The following EPB41L4B variants were observed in gnomAD, a reference collection of about 807,000 sequenced individuals.
EPB41L4B encodes band 4.1-like protein 4B.
Under a neutral mutation model 112.5 loss-of-function variants are expected in EPB41L4B, and 30 were observed. That is an observed-to-expected ratio of 0.27 (90% CI 0.20 to 0.36). The LOEUF (loss-of-function observed/expected upper bound fraction) is 0.36, where lower values mean the gene tolerates loss of function less well. Among genes scored for constraint, EPB41L4B ranks in the 10% least tolerant of loss-of-function variants. EPB41L4B has a pLI of 1.00. For synonymous variants in EPB41L4B, 408 were observed against 439.7 expected, an observed-to-expected ratio of 0.93 and a Z score of 0.90; for missense variants, 1,024 against 1,133.3, an observed-to-expected ratio of 0.90 and a Z score of 1.38.
chr9:109,232,373 GC>G (rs2118913279), intron 15 of EPB41L4B, among the ~76,000 whole-genome samples: 1 of 152,000 alleles, frequency 6.6e-6, no homozygotes, highest in South Asian at 2.1e-4. Context: ...TTTTCAGGTG[GC>G]AACAGCATTA....
rs1329349190 is a variant in EPB41L4B at position 109,172,508 on chromosome 9, A to G, written c.*2046T>C. The stretch of plus-strand genomic sequence containing the variant: ...TAGCTCCACTGACAGAGCAGAGAGC[A>G]GTAAAAAACCATCAGTGAGAACAGC... On this transcript the variant is annotated 3_prime_UTR_variant, in exon 26 of 26. Transcript: ENST00000374566. 6.6e-6 allele frequency: 1 copy of G among 152,240 alleles called. No individual in the cohort carries two copies. Among genetic ancestry groups the G allele is most frequent in the Non-Finnish European group, 1.5e-5 (1 of 68,046 alleles). 9.4% of individuals were successfully genotyped at this position (152,240 alleles called of 1,614,324 possible). A position where few individuals can be genotyped will look rare whatever the true frequency, so the allele number is the denominator to read the frequency against.
chr9:109,185,723 A>G, intron 22 of EPB41L4B, 118 bp from the exon 23 acceptor site: 1 of 691,854 alleles, frequency 1.4e-6, no homozygotes. Context: ...AGATCTGGCA[A>G]CTCCAGACTG....
chr9:109,283,402 T>A (rs1318624307), intron 1 of EPB41L4B, among the ~76,000 whole-genome samples: 1 of 152,212 alleles, frequency 6.6e-6, no homozygotes, highest in Non-Finnish European at 1.5e-5. Flanking sequence ...TCAGGCTCTT[T>A]CCTTCCTCGA....
rs1024999069 is a variant in EPB41L4B, at chr9:109,179,395, T to G, written c.2488-2699A>C. On this transcript the variant is annotated intron_variant, in intron 24 of 25. Transcript: ENST00000374566. Reference sequence around the variant, plus strand: ...CCTGCAGAAAGTTCAAGTGTCATGATCTTGGCAGGAAGGAGATGAGAACAC... The same window carrying G: ...CCTGCAGAAAGTTCAAGTGTCATGAGCTTGGCAGGAAGGAGATGAGAACAC... Among the ~76,000 whole-genome samples, 7 of 152,206 alleles carry G rather than the reference T, an allele frequency of 4.6e-5. No homozygotes were observed. In the East Asian group the frequency reaches 1.3e-3, roughly 29 times the overall value.
chr9:109,203,124 A>T (rs1832889590), intron 19 of EPB41L4B, among the ~76,000 whole-genome samples: 1 of 152,246 alleles, frequency 6.6e-6, no homozygotes, highest in South Asian at 2.1e-4. Flanking sequence ...ACTGCACTCC[A>T]GCCTGGGCAA....
chr9:109,176,600 T>G lies in EPB41L4B; in HGVS notation c.2584A>C (p.Thr862Pro). The change falls in exon 25 of 26, where the codon ACA becomes CCA. Residue 862 changes from threonine (T) to proline (P), a missense_variant. Transcript: ENST00000374566. ...TLRPLTETVS[T>P]VQTIYTTRKP... ...CGGGTGGTGTAAATGGTCTGCACTG[T>G]GGAGACGGTCTCTGTCAAAGGCCTC... 6.2e-7 allele frequency: 1 copy of G among 1,614,070 alleles called. No homozygotes were observed. The highest frequency in any genetic ancestry group is 8.5e-7 in the Non-Finnish European group (1 of 1,179,992).
At chr9:109,192,740 C>T (rs1832504181) in intron 21 of EPB41L4B, among the ~76,000 whole-genome samples, 1 of 152,168 alleles carries the variant, frequency 6.6e-6, no homozygotes, top group South Asian at 2.1e-4. Context: ...CTAAACTGAT[C>T]TGCACACTAA....
chr9:109,240,229 GA>G (rs1834305487), intron 15 of EPB41L4B: 3 of 985,364 alleles, frequency 3.0e-6, no homozygotes, highest in Non-Finnish European at 1.2e-6. Flanking sequence ...AAAAGATTCA[GA>G]ACACATTTAT....
intron 15 of EPB41L4B, among the ~76,000 whole-genome samples, chr9:109,223,080 C>T (rs976890556): frequency 6.6e-6 from 1 of 152,156 alleles, no homozygotes; most frequent in Non-Finnish European, 1.5e-5. Flanking sequence ...GTACCCCCAA[C>T]CAGAGCATCT....
chr9:109,208,124 C>A, intron 17 of EPB41L4B, 75 bp from the exon 18 acceptor site: 1 of 1,562,770 alleles, frequency 6.4e-7, no homozygotes, highest in Non-Finnish European at 8.8e-7. Flanking sequence ...TCCCAATAAT[C>A]ATAACTGCAT....
At position 109,194,257 on chromosome 9, in the gene EPB41L4B, T is replaced by C; in HGVS notation, c.2186A>G (p.Lys729Arg). The C allele has an allele frequency of 6.2e-7, 1 of 1,614,238 alleles. No individual in the cohort carries two copies. Among genetic ancestry groups the C allele is most frequent in the Non-Finnish European group, 8.5e-7 (1 of 1,180,042 alleles). Residue 729 changes from lysine (K) to arginine (R), a missense_variant, in exon 21 of 26, where the codon AAG becomes AGG. Coordinates refer to ENST00000374566, the MANE Select transcript of EPB41L4B (RefSeq NM_019114.5). ...PKVQNVSSPH[K>R]SEGKGLLSPG... Reference sequence around the variant, plus strand: ...GGACAGCAGGCCTTTGCCTTCTGACTTGTGAGGCGAGCTGACATTCTGGAC... The same window carrying C: ...GGACAGCAGGCCTTTGCCTTCTGACCTGTGAGGCGAGCTGACATTCTGGAC...
Position 109,256,118 on chromosome 9 carries a change from T to C in EPB41L4B, c.929+18A>G. On this transcript the variant is annotated intron_variant, in intron 9 of 25. Transcript: ENST00000374566. ...AAATAGGAAAAGACATTTTTAATAT[T>C]AGACAAAACTAAATTACCAAAAGAA... 6.3e-7 allele frequency: 1 copy of C among 1,596,446 alleles called. No individual in the cohort carries two copies. Among genetic ancestry groups the C allele is most frequent in the Non-Finnish European group, 8.6e-7 (1 of 1,165,244 alleles).
At chr9:109,248,757 A>T (rs897315349) in intron 13 of EPB41L4B, among the ~76,000 whole-genome samples, 1 of 152,006 alleles carries the variant, frequency 6.6e-6, no homozygotes, top group Non-Finnish European at 1.5e-5. Context: ...TGAGATCTTA[A>T]ATGCTAAATA....
At chr9:109,255,902 A>G (rs574900999) in intron 9 of EPB41L4B, 59 bp from the exon 10 acceptor site, 2 of 1,456,210 alleles carry the variant, frequency 1.4e-6, no homozygotes, top group East Asian at 4.6e-5. Flanking sequence ...CTACACATCA[A>G]ATAGCAGTTT....
Position 109,194,411 on chromosome 9 carries a change from A to C in EPB41L4B, c.2046-14T>G. The C allele has an allele frequency of 6.2e-7, 1 of 1,612,532 alleles. No individual in the cohort carries two copies. The highest frequency in any genetic ancestry group is 8.5e-7 in the Non-Finnish European group (1 of 1,178,990). ...TCGTCTTCATCACTGCGGTTACTAA[A>C]AGCACATGAAGCTCTGCTCATTACA... is the stretch of plus-strand genomic sequence containing the variant. On this transcript the variant is annotated splice_polypyrimidine_tract_variant and intron_variant, in intron 20 of 25. Coordinates refer to ENST00000374566, the MANE Select transcript of EPB41L4B (RefSeq NM_019114.5).
intron 15 of EPB41L4B, among the ~76,000 whole-genome samples, chr9:109,219,439 C>T (rs1473019312): frequency 6.6e-6 from 1 of 152,184 alleles, no homozygotes. Context: ...CAGCTCACTG[C>T]AAACTCCGCC....
chr9:109,278,384 C>T (rs937505916), intron 2 of EPB41L4B, among the ~76,000 whole-genome samples: 1 of 152,134 alleles, frequency 6.6e-6, no homozygotes. Context: ...ACCCCAGAGG[C>T]ACTGTAGCCA....
At chr9:109,297,591 A>G (rs1836783421) in intron 1 of EPB41L4B, among the ~76,000 whole-genome samples, 1 of 152,246 alleles carries the variant, frequency 6.6e-6, no homozygotes, top group African/African-American at 2.4e-5. Context: ...CGGCAAAGCC[A>G]GGGCCTCTGC....
chr9:109,276,116 T>C (rs1835808885), intron 2 of EPB41L4B, among the ~76,000 whole-genome samples: 2 of 148,668 alleles, frequency 1.3e-5, no homozygotes, highest in Admixed American at 1.3e-4. Flanking sequence ...TATATACACA[T>C]ATATAGTGTA....
Sources: gnomAD v4.1 joint callset for allele counts (sites outside exome capture counted in the v4.1 genomes callset) on GRCh38, gnomAD v4.1.1 for gene constraint, MANE v1.5 for transcripts, NCBI Gene and HGNC (gene_info 2026-07-23, HGNC 2026-07-21) for gene names.